Variants in ZNF251 observed in about 807,000 individuals in gnomAD.
ZNF251 encodes zinc finger protein 251.
A neutral mutation model predicts 13.5 loss-of-function variants in ZNF251; 14 were observed. The observed-to-expected ratio is 1.04, with a 90% CI of 0.69 to 1.63. The LOEUF (loss-of-function observed/expected upper bound fraction) is 1.63, where lower values mean the gene tolerates loss of function less well. Ranked by LOEUF, ZNF251 falls within the 40% of genes most tolerant of loss-of-function variation. The pLI, the probability that ZNF251 is intolerant of heterozygous loss-of-function variation, is 0.00. For missense variants in ZNF251, 764 were observed against 834.9 expected (o/e 0.92, Z 1.05); for synonymous variants, 287 against 295.2 (o/e 0.97, Z 0.28).
intron 4 of ZNF251, among the ~76,000 whole-genome samples, chr8:144,742,801 G>A (rs914580031): frequency 7.2e-5 from 11 of 152,102 alleles, no homozygotes; most frequent in Admixed American, 5.2e-4. Context: ...GATTGGGTCC[G>A]AGACCCCCAC....
rs753760888 is a variant in ZNF251 at position 144,754,199 on chromosome 8, G to C, written c.156C>G (p.Ala52=). The C allele has an allele frequency of 2.4e-5, 39 of 1,613,486 alleles. 1 individual carries two copies. In the South Asian group the frequency reaches 4.0e-4, roughly 16 times the overall value. The change falls in exon 3 of 5, where the codon GCC becomes GCG. Residue 52 remains alanine (A), a synonymous_variant. Coordinates refer to ENST00000292562, the MANE Select transcript of ZNF251 (RefSeq NM_138367.2). ...DVMLENYGNV[A]SLGFPVPKPE... ...AAGTGCAGAGAGCCTCACCCAGAGA[G>C]GCCACGTTCCCATAGTTCTCCAGCA... is the stretch of plus-strand genomic sequence containing the variant.
intron 4 of ZNF251, among the ~76,000 whole-genome samples, chr8:144,747,219 C>T (rs1196602062): frequency 2.0e-5 from 3 of 152,080 alleles, no homozygotes; most frequent in South Asian, 4.1e-4. Context: ...TTCTTTGACT[C>T]GTGTTATTTG....
intron 4 of ZNF251, among the ~76,000 whole-genome samples, chr8:144,729,335 ATTT>A (rs142840972): frequency 7.1e-6 from 1 of 141,254 alleles, no homozygotes; most frequent in African/African-American, 2.8e-5. Context: ...ATTTATTTTT[ATTT>A]TTTTTTTTTT....
chr8:144,736,888 C>T (rs922945494), intron 4 of ZNF251, among the ~76,000 whole-genome samples: 4 of 151,944 alleles, frequency 2.6e-5, no homozygotes, highest in Non-Finnish European at 5.9e-5. Flanking sequence ...CTGCAACCTC[C>T]GGCTCCCGAG....
At chr8:144,733,423 G>A (rs2129966325) in intron 4 of ZNF251, among the ~76,000 whole-genome samples, 1 of 152,340 alleles carries the variant, frequency 6.6e-6, no homozygotes, top group East Asian at 1.9e-4. Flanking sequence ...GCCTCCGCAT[G>A]TGCTATGCTC....
At chr8:144,747,308 T>C (rs1464004192) in intron 4 of ZNF251, among the ~76,000 whole-genome samples, 1 of 152,252 alleles carries the variant, frequency 6.6e-6, no homozygotes, top group African/African-American at 2.4e-5. Flanking sequence ...GTCATTGTGG[T>C]CTGAGAATAG....
At chr8:144,745,809 A>C (rs750513820) in intron 4 of ZNF251, among the ~76,000 whole-genome samples, 11 of 152,096 alleles carry the variant, frequency 7.2e-5, no homozygotes, top group African/African-American at 2.4e-5. Flanking sequence ...TTAGCCTCCC[A>C]AAGTGCTGGA....
intron 4 of ZNF251, among the ~76,000 whole-genome samples, chr8:144,744,036 T>C (rs1824297956): frequency 1.5e-5 from 2 of 132,834 alleles, no homozygotes; most frequent in Non-Finnish European, 1.6e-5. Flanking sequence ...TTTTTGGAGA[T>C]GGAGTCTCAC....
chr8:144,723,018 G>A lies in ZNF251; in HGVS notation c.642C>T (p.Cys214=). 6.2e-7 allele frequency: 1 copy of A among 1,613,920 alleles called. No homozygotes were observed. Reference sequence around the variant, plus strand: ...CTGAATTATATTTGAAGGTTTTGCTGCATATATCACATTTAAAGACCCTCT... The same window carrying A: ...CTGAATTATATTTGAAGGTTTTGCTACATATATCACATTTAAAGACCCTCT... ...TGERVFKCDI[C]SKTFKYNSDL... The change falls in exon 5 of 5, where the codon TGC becomes TGT. Residue 214 remains cysteine, a synonymous_variant. Transcript: ENST00000292562.
intron 4 of ZNF251, among the ~76,000 whole-genome samples, chr8:144,742,390 A>T (rs1824203864): frequency 6.6e-6 from 1 of 152,116 alleles, no homozygotes. Flanking sequence ...CTGGGGAAAC[A>T]TGAGATTTTT....
chr8:144,739,705 C>T (rs1824070213), intron 4 of ZNF251, among the ~76,000 whole-genome samples: 1 of 151,888 alleles, frequency 6.6e-6, no homozygotes, highest in African/African-American at 2.4e-5. Flanking sequence ...TCAAAACCAC[C>T]CTGACCAATA....
chr8:144,746,987 C>A (rs189657003), intron 4 of ZNF251, among the ~76,000 whole-genome samples: 1 of 152,034 alleles, frequency 6.6e-6, no homozygotes, highest in East Asian at 1.9e-4. Flanking sequence ...ATTTTTATTT[C>A]TTTTCTTCTG....
chr8:144,739,140 A>C lies in ZNF251; in HGVS notation c.277+14543T>G, dbSNP rs367611769. Among the ~76,000 whole-genome samples, 7 of 150,658 alleles carry C rather than the reference A, an allele frequency of 4.6e-5. No individual in the cohort carries two copies. The East Asian group carries it at 1.4e-3, about 30-fold the overall frequency. On this transcript the variant is annotated intron_variant, in intron 4 of 4. Transcript: ENST00000292562. ...ACTCCCATCACGACTCCACCCCTCC[A>C]AACTAGGATCACAAATCACGACTCC...
At chr8:144,743,586 C>T (rs1824271406) in intron 4 of ZNF251, among the ~76,000 whole-genome samples, 1 of 152,174 alleles carries the variant, frequency 6.6e-6, no homozygotes, top group Admixed American at 6.5e-5. Context: ...TACAAAGGGA[C>T]AAAACTGCTG....
chr8:144,753,892 T>G, intron 3 of ZNF251, 96 bp from the exon 4 acceptor site: 1 of 939,902 alleles, frequency 1.1e-6, no homozygotes, highest in Non-Finnish European at 1.6e-6. Flanking sequence ...TGTGTACGCC[T>G]GCACGTGTGT....
intron 4 of ZNF251, among the ~76,000 whole-genome samples, chr8:144,735,537 C>T (rs1225521094): frequency 6.6e-6 from 1 of 152,106 alleles, no homozygotes; most frequent in Non-Finnish European, 1.5e-5. Context: ...GCCCACATCC[C>T]CCACATCTGT....
intron 4 of ZNF251, among the ~76,000 whole-genome samples, chr8:144,745,915 T>A (rs1824406213): frequency 6.6e-6 from 1 of 152,186 alleles, no homozygotes; most frequent in African/African-American, 2.4e-5. Flanking sequence ...ATGATAATAC[T>A]GAGTTTTCCT....
intron 4 of ZNF251, among the ~76,000 whole-genome samples, chr8:144,739,476 A>AC (rs1393135043): frequency 6.6e-6 from 1 of 152,216 alleles, no homozygotes; most frequent in African/African-American, 2.4e-5. Flanking sequence ...CTAGACTCCA[A>AC]CCTACAGGGC....
At chr8:144,740,240 G>A (rs943915380) in intron 4 of ZNF251, among the ~76,000 whole-genome samples, 2 of 152,068 alleles carry the variant, frequency 1.3e-5, no homozygotes, top group African/African-American at 2.4e-5. Context: ...AGCCGAGATC[G>A]CGCCATTGCA....
Sources: allele counts gnomAD v4.1 joint callset (sites outside exome capture counted in the v4.1 genomes callset), GRCh38; gene constraint gnomAD v4.1.1; transcripts MANE v1.5; gene names NCBI Gene and HGNC (gene_info 2026-07-23, HGNC 2026-07-21).